The following PDE3A variants were observed in gnomAD, a reference collection of about 807,000 sequenced individuals.
The protein encoded by PDE3A is cGMP-inhibited 3',5'-cyclic phosphodiesterase 3A.
PDE3A carries 43 observed loss-of-function variants against 98.3 expected under a neutral mutation model. That is an observed-to-expected ratio of 0.44 (90% confidence interval 0.34 to 0.56). PDE3A has a LOEUF of 0.56. PDE3A is among the 20% of genes least tolerant of loss of function. The pLI is 0.01. For missense variants in PDE3A, 1,427 were observed against 1,440.7 expected, an observed-to-expected ratio of 0.99 and a Z score of 0.15; for synonymous variants, 663 against 567.9, an observed-to-expected ratio of 1.17 and a Z score of -2.38.
intron 2 of PDE3A, among the ~76,000 whole-genome samples, chr12:20,593,215 C>A (rs1469172802): frequency 3.9e-5 from 6 of 152,060 alleles, no homozygotes. Context: ...AGAAGTAACA[C>A]CATAAACCAA....
Position 20,369,577 on chromosome 12 carries a change from C to CGGA in PDE3A, c.303_305dup (p.Glu102dup), listed in dbSNP as rs779076986. ...GAGCAGTGTAAGGAGGCGGCGGCGGCGGAGGAGGAGGAAGCAGCCCCGGGA... is the reference window on the plus strand; with the variant it reads ...GAGCAGTGTAAGGAGGCGGCGGCGGCGGAGGAGGAGGAGGAAGCAGCCCCGGGA... On this transcript the variant is annotated inframe_insertion, in exon 1 of 16. Transcript: ENST00000359062. 4 of 1,549,388 alleles carry CGGA rather than the reference C, an allele frequency of 2.6e-6. No homozygotes were observed. The highest frequency in any genetic ancestry group is 2.4e-5 in the East Asian group (1 of 41,944).
chr12:20,430,051 T>C (rs572461709), intron 1 of PDE3A, among the ~76,000 whole-genome samples: 1 of 152,292 alleles, frequency 6.6e-6, no homozygotes, highest in African/African-American at 2.4e-5. Context: ...CTCTTTTTTT[T>C]CCATGACTTG....
At chr12:20,432,642 A>G (rs1039274300) in intron 1 of PDE3A, among the ~76,000 whole-genome samples, 1 of 152,174 alleles carries the variant, frequency 6.6e-6, no homozygotes, top group Non-Finnish European at 1.5e-5. Flanking sequence ...AAAGAGGAAG[A>G]GCTTCAATTA....
chr12:20,670,013 C>A (rs910093662), intron 15 of PDE3A, among the ~76,000 whole-genome samples: 2 of 148,642 alleles, frequency 1.3e-5, no homozygotes, highest in African/African-American at 2.6e-5. Flanking sequence ...ATCTACCAAG[C>A]AAATGGAAAA....
At position 20,629,962 on chromosome 12, in the gene PDE3A, G is replaced by A. The variant is rs745723459; in HGVS notation, c.1595G>A (p.Gly532Glu). Residue 532 changes from glycine (G) to glutamate (E), a missense_variant, in exon 6 of 16, where the codon GGG becomes GAG. Physicochemically the swap from Gly to Glu is moderately conservative, Grantham distance 98 (BLOSUM62 -2). Around this residue, in one of 3 missense-constraint regions of PDE3A, gnomAD observed 1,012 missense variants for 886.5 expected, o/e 1.14. Transcript: ENST00000359062. ...LSSPCSSPLQ[G>E]TPASSLVSKI... Reference sequence around the variant, plus strand: ...TCGCCCTGCTCCTCACCTCTCCAAGGGACTCCTGCCAGCAGCCTGGTCAGC... The same window carrying A: ...TCGCCCTGCTCCTCACCTCTCCAAGAGACTCCTGCCAGCAGCCTGGTCAGC... 1 of 1,613,934 alleles carries A rather than the reference G, an allele frequency of 6.2e-7. No individual in the cohort carries two copies. Among genetic ancestry groups the A allele is most frequent in the South Asian group, 1.1e-5 (1 of 91,076 alleles).
At chr12:20,583,757 T>C (rs1050794992) in intron 2 of PDE3A, among the ~76,000 whole-genome samples, 9 of 152,194 alleles carry the variant, frequency 5.9e-5, no homozygotes, top group African/African-American at 2.2e-4. Context: ...CTGTTACTAA[T>C]TGGCTTTTTT....
At chr12:20,635,577 C>CAAAA (rs770373365) in intron 8 of PDE3A, among the ~76,000 whole-genome samples, 7 of 120,296 alleles carry the variant, frequency 5.8e-5, no homozygotes, top group East Asian at 2.5e-4. Flanking sequence ...GACTCTGTCT[C>CAAAA]AAAAAAAAAA....
intron 1 of PDE3A, among the ~76,000 whole-genome samples, chr12:20,494,051 C>T (rs1049129684): frequency 1.1e-4 from 16 of 152,342 alleles, no homozygotes; most frequent in African/African-American, 3.4e-4. Flanking sequence ...ATGCACAATG[C>T]TGTAGTAACA....
chr12:20,512,142 C>G (rs1431793749), intron 1 of PDE3A, among the ~76,000 whole-genome samples: 1 of 151,534 alleles, frequency 6.6e-6, no homozygotes, highest in African/African-American at 2.4e-5. Context: ...TAGATAAAAA[C>G]TATATCTGAG....
intron 1 of PDE3A, among the ~76,000 whole-genome samples, chr12:20,501,840 A>T (rs1946031026): frequency 6.6e-6 from 1 of 152,200 alleles, no homozygotes; most frequent in Non-Finnish European, 1.5e-5. Flanking sequence ...GTATCAATTT[A>T]GCACATTAAG....
rs1298084373 is a variant in PDE3A at position 20,391,852 on chromosome 12, G to A, written c.960+21608G>A. Among the ~76,000 whole-genome samples the A allele has an allele frequency of 3.3e-5, 5 of 151,880 alleles. No individual in the cohort carries two copies. The East Asian group carries it at 7.7e-4, about 24-fold the overall frequency. On this transcript the variant is annotated intron_variant, in intron 1 of 15. Coordinates refer to ENST00000359062, the MANE Select transcript of PDE3A (RefSeq NM_000921.5). ...GAATCTGGTACAACAGATATGGTAT[G>A]ACTGGAACAAAGCGAAGGGTGGCTG... is the stretch of plus-strand genomic sequence containing the variant.
chr12:20,556,955 T>G, intron 2 of PDE3A: 1 of 500,346 alleles, frequency 2.0e-6, no homozygotes, highest in South Asian at 2.8e-5. Context: ...AATATAGATT[T>G]TATATTCATC....
chr12:20,635,074 A>G lies in PDE3A; in HGVS notation c.2001+18A>G. 1 of 1,596,474 alleles carries G rather than the reference A, an allele frequency of 6.3e-7. No homozygotes were observed. Among genetic ancestry groups the G allele is most frequent in the Middle Eastern group, 1.7e-4 (1 of 6,000 alleles). On this transcript the variant is annotated intron_variant, in intron 8 of 15. Transcript: ENST00000359062. ...TGTTTCTGGTAGTCCCATATCACTT[A>G]ACTCACTCATTTACTTGAGAGATGA...
At chr12:20,512,304 C>T (rs563502156) in intron 1 of PDE3A, among the ~76,000 whole-genome samples, 1 of 152,106 alleles carries the variant, frequency 6.6e-6, no homozygotes, top group Admixed American at 6.6e-5. Flanking sequence ...CAAAAGTCTT[C>T]TGTAAAAAGC....
intron 1 of PDE3A, among the ~76,000 whole-genome samples, chr12:20,413,826 C>T (rs934652409): frequency 6.6e-6 from 1 of 152,106 alleles, no homozygotes; most frequent in Non-Finnish European, 1.5e-5. Context: ...TGTGGGAAAA[C>T]CAGCAGCCAG....
chr12:20,532,617 T>A (rs1478505596), intron 1 of PDE3A, among the ~76,000 whole-genome samples: 1 of 151,924 alleles, frequency 6.6e-6, no homozygotes, highest in Admixed American at 6.6e-5. Context: ...TTAGCAATAC[T>A]GACAAGAGAA....
chr12:20,614,952 A>AAGTT (rs1187650942), intron 3 of PDE3A, among the ~76,000 whole-genome samples: 2 of 150,702 alleles, frequency 1.3e-5, no homozygotes, highest in African/African-American at 2.4e-5. Flanking sequence ...ACTGTTGCTG[A>AAGTT]AGTTATAGGA....
At chr12:20,662,024 C>T (rs1945183110) in intron 15 of PDE3A, among the ~76,000 whole-genome samples, 1 of 152,268 alleles carries the variant, frequency 6.6e-6, no homozygotes, top group African/African-American at 2.4e-5. Context: ...GAGGCTGTAC[C>T]CTGTAAAGCC....
At chr12:20,412,482 C>CA (rs1944351180) in intron 1 of PDE3A, among the ~76,000 whole-genome samples, 1 of 152,020 alleles carries the variant, frequency 6.6e-6, no homozygotes, top group Non-Finnish European at 1.5e-5. Flanking sequence ...AGCATTATCC[C>CA]AACATTAGAA....
Sources: gnomAD v4.1 joint callset for allele counts (sites outside exome capture counted in the v4.1 genomes callset) on GRCh38, gnomAD v4.1.1 for gene constraint, gnomAD v4.1.1 regional missense constraint, MANE v1.5 for transcripts, NCBI Gene and HGNC (gene_info 2026-07-23, HGNC 2026-07-21) for gene names.